Variants in AGBL1 observed in about 807,000 individuals in gnomAD.
AGBL1 encodes AGBL carboxypeptidase 1, also known as cytosolic carboxypeptidase 4.
Under a neutral mutation model 118.9 loss-of-function variants are expected in AGBL1, and 130 were observed. The observed-to-expected ratio is 1.09, with a 90% CI of 0.95 to 1.26. The LOEUF is 1.26. AGBL1 is among the 50% of genes most tolerant of loss of function. The pLI is 0.00. For missense variants in AGBL1, 1,584 were observed against 1,298.1 expected, an observed-to-expected ratio of 1.22 and a Z score of -3.38; for synonymous variants, 555 against 478.9, an observed-to-expected ratio of 1.16 and a Z score of -2.08.
intron 17 of AGBL1, among the ~76,000 whole-genome samples, chr15:86,339,323 T>C (rs1279377942): frequency 6.6e-6 from 1 of 152,188 alleles, no homozygotes; most frequent in Non-Finnish European, 1.5e-5. Flanking sequence ...CCTGCTCTAG[T>C]TTTCTTTGAG....
downstream of AGBL1, among the ~76,000 whole-genome samples, chr15:86,918,721 G>A (rs28379766): frequency 0.19 from 29,210 of 152,172 alleles, 3,618 homozygotes; most frequent in African/African-American, 0.35. Flanking sequence ...GCTGATGGTG[G>A]TAGTTGATGA....
chr15:86,521,972 C>T (rs2083195289), intron 18 of AGBL1, among the ~76,000 whole-genome samples: 1 of 151,984 alleles, frequency 6.6e-6, no homozygotes, highest in Admixed American at 6.6e-5. Context: ...GGGAATGTGT[C>T]CTGTGCAGGG....
chr15:86,661,944 C>G (rs760462779), intron 21 of AGBL1, among the ~76,000 whole-genome samples: 2 of 152,176 alleles, frequency 1.3e-5, no homozygotes, highest in Admixed American at 6.5e-5. Flanking sequence ...CTTCCACTTT[C>G]CACATAAATT....
intron 7 of AGBL1, among the ~76,000 whole-genome samples, chr15:86,256,438 A>T (rs940951559): frequency 6.6e-6 from 1 of 152,212 alleles, no homozygotes; most frequent in Non-Finnish European, 1.5e-5. Flanking sequence ...ACTTCCATCA[A>T]TTCAGCTGCT....
At chr15:86,271,161 C>T (rs576036991) in intron 14 of AGBL1, among the ~76,000 whole-genome samples, 1 of 148,660 alleles carries the variant, frequency 6.7e-6, no homozygotes, top group Non-Finnish European at 1.5e-5. Flanking sequence ...AGCGATTCTC[C>T]TGCCTCAGCC....
intron 1 of AGBL1, among the ~76,000 whole-genome samples, chr15:86,095,021 A>G (rs1445816644): frequency 6.6e-6 from 1 of 152,144 alleles, no homozygotes; most frequent in Non-Finnish European, 1.5e-5. Flanking sequence ...ATAATTTGCT[A>G]GAACAGCTCC....
chr15:86,771,701 T>C (rs1430456082), intron 22 of AGBL1, among the ~76,000 whole-genome samples: 1 of 151,126 alleles, frequency 6.6e-6, no homozygotes, highest in Non-Finnish European at 1.5e-5. Flanking sequence ...CAGGGATGGA[T>C]AAAAAAAAAG....
intron 18 of AGBL1, among the ~76,000 whole-genome samples, chr15:86,445,768 G>A (rs1402264869): frequency 6.6e-6 from 1 of 152,196 alleles, no homozygotes; most frequent in African/African-American, 2.4e-5. Context: ...GAAGTGGAAA[G>A]GAAAGGGAGC....
At chr15:86,314,562 C>A (rs2079969478) in intron 17 of AGBL1, among the ~76,000 whole-genome samples, 1 of 152,132 alleles carries the variant, frequency 6.6e-6, no homozygotes, top group Admixed American at 6.5e-5. Context: ...TTTGCACAGA[C>A]ATTTCTGTAG....
intron 5 of AGBL1, among the ~76,000 whole-genome samples, chr15:86,220,204 G>A (rs1007087010): frequency 1.3e-5 from 2 of 152,128 alleles, no homozygotes. Flanking sequence ...CACCTGCCTC[G>A]GCCTCCCAAA....
At chr15:86,317,832 T>C (rs2080039833) in intron 17 of AGBL1, among the ~76,000 whole-genome samples, 1 of 152,146 alleles carries the variant, frequency 6.6e-6, no homozygotes, top group African/African-American at 2.4e-5. Context: ...ATTTATAAAA[T>C]AGGAATGGGC....
chr15:86,782,799 A>G (rs1025040194), intron 22 of AGBL1, among the ~76,000 whole-genome samples: 3 of 152,202 alleles, frequency 2.0e-5, no homozygotes, highest in African/African-American at 7.2e-5. Flanking sequence ...TGCAATGGTA[A>G]AGCAAATACT....
intron 22 of AGBL1, among the ~76,000 whole-genome samples, chr15:86,754,676 C>G (rs1392629342): frequency 6.6e-6 from 1 of 152,080 alleles, no homozygotes; most frequent in Admixed American, 6.6e-5. Context: ...TCAGTGACAT[C>G]TTCCACTCCG....
intron 17 of AGBL1, among the ~76,000 whole-genome samples, chr15:86,350,681 T>C (rs1300529835): frequency 6.6e-6 from 1 of 152,198 alleles, no homozygotes; most frequent in Non-Finnish European, 1.5e-5. Context: ...CAAGGCACTC[T>C]GTTGAGTTAG....
chr15:86,655,448 A>G (rs974751479), intron 21 of AGBL1, among the ~76,000 whole-genome samples: 2 of 152,162 alleles, frequency 1.3e-5, no homozygotes, highest in African/African-American at 4.8e-5. Flanking sequence ...AGTATCTCCA[A>G]ACTAATTTTT....
chr15:86,560,446 A>G (rs2083800676), intron 21 of AGBL1, among the ~76,000 whole-genome samples: 2 of 152,156 alleles, frequency 1.3e-5, no homozygotes, highest in African/African-American at 2.4e-5. Flanking sequence ...AGCTTCATCC[A>G]TGTCCCTACA....
chr15:86,521,784 A>G (rs1393036555), intron 18 of AGBL1, among the ~76,000 whole-genome samples: 2 of 152,206 alleles, frequency 1.3e-5, no homozygotes, highest in African/African-American at 2.4e-5. Context: ...TCTGGAGGCC[A>G]TAAGTCAAGT....
intron 5 of AGBL1, 29 bp from the exon 6 acceptor site, chr15:86,224,885 G>T: frequency 6.2e-7 from 1 of 1,611,968 alleles, no homozygotes; most frequent in East Asian, 2.2e-5. Flanking sequence ...ATTGAATGTT[G>T]ACTGTTACTT....
At chr15:86,885,042 T>G (rs2079950546) in intron 22 of AGBL1, among the ~76,000 whole-genome samples, 1 of 152,172 alleles carries the variant, frequency 6.6e-6, no homozygotes, top group South Asian at 2.1e-4. Context: ...ACAATGCTAT[T>G]TTTATTTACA....
Sources: gnomAD v4.1 joint callset for allele counts (sites outside exome capture counted in the v4.1 genomes callset) on GRCh38, gnomAD v4.1.1 for gene constraint, MANE v1.5 for transcripts, NCBI Gene and HGNC (gene_info 2026-07-23, HGNC 2026-07-21) for gene names.